MYO3B: variants seen among roughly 807,000 people sequenced by gnomAD.
The protein encoded by MYO3B is myosin IIIB.
Under a neutral mutation model 174.6 loss-of-function variants are expected in MYO3B, and 156 were observed. The ratio of observed to expected loss-of-function variants is 0.89; its 90% CI spans 0.78 to 1.02. MYO3B has a LOEUF of 1.02. Ranked by LOEUF, MYO3B falls within the 50% of genes least tolerant of loss-of-function variation. The pLI is 0.00. For missense variants in MYO3B, 1,632 were observed against 1,639.4 expected, an observed-to-expected ratio of 1.00 and a Z score of 0.08; for synonymous variants, 563 against 569.1, an observed-to-expected ratio of 0.99 and a Z score of 0.15.
chr2:170,396,758 C>G (rs1358926528), intron 16 of MYO3B, among the ~76,000 whole-genome samples: 1 of 152,104 alleles, frequency 6.6e-6, no homozygotes, highest in Non-Finnish European at 1.5e-5. Context: ...TGGTGATTAT[C>G]CCAGTGGTGA....
Position 170,573,686 on chromosome 2 carries a change from A to C in MYO3B, c.3733+29698A>C, listed in dbSNP as rs542530614. On this transcript the variant is annotated intron_variant, in intron 32 of 34. Transcript: ENST00000408978. Reference sequence around the variant, plus strand: ...GACTTTCTCAGCACAAACTGGAAGAATATTTCAAGGTAAGAAGTGAAAAGA... The same window carrying C: ...GACTTTCTCAGCACAAACTGGAAGACTATTTCAAGGTAAGAAGTGAAAAGA... Among the ~76,000 whole-genome samples, 4 of 152,340 alleles carry C rather than the reference A, an allele frequency of 2.6e-5. No individual in the cohort carries two copies. In the South Asian group the frequency reaches 8.3e-4, roughly 32 times the overall value.
At chr2:170,432,438 G>A (rs1384364258) in intron 22 of MYO3B, among the ~76,000 whole-genome samples, 2 of 151,818 alleles carry the variant, frequency 1.3e-5, no homozygotes, top group Non-Finnish European at 1.5e-5. Flanking sequence ...AAGATATAAA[G>A]AAAATATTTT....
At chr2:170,625,531 G>T (rs909491702) in intron 32 of MYO3B, among the ~76,000 whole-genome samples, 2 of 152,016 alleles carry the variant, frequency 1.3e-5, no homozygotes, top group Admixed American at 6.6e-5. Context: ...TTTTTCAAAG[G>T]GTTTTTTGTG....
At chr2:170,638,446 T>C (rs181148521) in intron 32 of MYO3B, among the ~76,000 whole-genome samples, 1 of 152,346 alleles carries the variant, frequency 6.6e-6, no homozygotes, top group East Asian at 1.9e-4. Flanking sequence ...ACTTTTTCCT[T>C]TGAAGCCTAA....
chr2:170,265,924 T>G (rs183903216), intron 7 of MYO3B, among the ~76,000 whole-genome samples: 2 of 152,274 alleles, frequency 1.3e-5, no homozygotes, highest in East Asian at 3.9e-4. Context: ...AAAAGAAGAT[T>G]AAGCCAAGGG....
chr2:170,351,570 G>A lies in MYO3B; in HGVS notation c.815+16120G>A, dbSNP rs75998648. Among the ~76,000 whole-genome samples the A allele has an allele frequency of 1.7e-3, 257 of 152,130 alleles. 1 individual carries two copies. The highest frequency in any genetic ancestry group is 6.0e-3 in the African/African-American group (251 of 41,500). ...CATTCTACAACCTGGCTCTGGGCTA[G>A]AGACCCAGAGAGCCAAGCAGACATA... On this transcript the variant is annotated intron_variant, in intron 8 of 34. Transcript: ENST00000408978.
At position 170,311,693 on chromosome 2, in the gene MYO3B, A is replaced by G. The variant is rs75288533; in HGVS notation, c.750-23692A>G. Among the ~76,000 whole-genome samples the G allele has an allele frequency of 2.7e-3, 416 of 152,096 alleles. 3 individuals are homozygous for G. The highest frequency in any genetic ancestry group is 9.7e-3 in the African/African-American group (404 of 41,468). On this transcript the variant is annotated intron_variant, in intron 7 of 34. Transcript: ENST00000408978. ...AGAATCCATTGCCAAGTCCAAGGTC[A>G]TGAAGATTTACCTCTATGCGTTCTT...
chr2:170,635,684 T>A (rs1283662570), intron 32 of MYO3B, among the ~76,000 whole-genome samples: 1 of 152,148 alleles, frequency 6.6e-6, no homozygotes, highest in African/African-American at 2.4e-5. Context: ...AAAGATCACA[T>A]TATAGGGCAT....
intron 8 of MYO3B, among the ~76,000 whole-genome samples, chr2:170,354,063 A>G (rs987307137): frequency 2.0e-5 from 3 of 152,214 alleles, no homozygotes; most frequent in African/African-American, 7.2e-5. Flanking sequence ...TTCGTGATCC[A>G]TCTAACCTGT....
rs190377692 is a variant in MYO3B, at chr2:170,298,368, G to A, written c.750-37017G>A. Among the ~76,000 whole-genome samples the A allele has an allele frequency of 1.1e-4, 16 of 152,148 alleles. No homozygotes were observed. The East Asian group carries it at 3.1e-3, about 29-fold the overall frequency. The stretch of plus-strand genomic sequence containing the variant: ...TCTCAGAACAATTCTTAAACTAAAG[G>A]ACTAGAACTTTAAAAGTTGAATTTC... On this transcript the variant is annotated intron_variant, in intron 7 of 34. Transcript: ENST00000408978.
At chr2:170,256,327 C>T (rs977800570) in intron 7 of MYO3B, among the ~76,000 whole-genome samples, 1 of 152,202 alleles carries the variant, frequency 6.6e-6, no homozygotes, top group Middle Eastern at 3.4e-3. Context: ...CCCTAAGATG[C>T]ATAGTAATCA....
chr2:170,276,013 A>G (rs2093461562), intron 7 of MYO3B, among the ~76,000 whole-genome samples: 1 of 152,224 alleles, frequency 6.6e-6, no homozygotes, highest in Non-Finnish European at 1.5e-5. Context: ...AGGACATTGG[A>G]AGAATACTTC....
chr2:170,395,422 C>T (rs1330259247), intron 16 of MYO3B, among the ~76,000 whole-genome samples: 2 of 152,128 alleles, frequency 1.3e-5, no homozygotes, highest in African/African-American at 2.4e-5. Flanking sequence ...CAAGATTGGA[C>T]GTACACTATA....
chr2:170,379,379 G>A (rs952628071), intron 9 of MYO3B, among the ~76,000 whole-genome samples: 8 of 152,072 alleles, frequency 5.3e-5, no homozygotes, highest in Non-Finnish European at 1.2e-4. Flanking sequence ...ATTTTTGGTA[G>A]AGACGGGATT....
intron 32 of MYO3B, among the ~76,000 whole-genome samples, chr2:170,649,288 ATTAT>A (rs1698772957): frequency 1.2e-5 from 1 of 81,522 alleles, no homozygotes; most frequent in Admixed American, 2.4e-4. Flanking sequence ...AATAATATAT[ATTAT>A]ATATAAAATA....
chr2:170,446,631 A>G (rs1309168102), intron 23 of MYO3B, among the ~76,000 whole-genome samples: 2 of 152,232 alleles, frequency 1.3e-5, no homozygotes, highest in Admixed American at 1.3e-4. Context: ...AAAATGAAAC[A>G]AAACCAACTC....
intron 28 of MYO3B, among the ~76,000 whole-genome samples, chr2:170,507,624 C>T (rs1687693345): frequency 6.6e-6 from 1 of 152,056 alleles, no homozygotes; most frequent in Admixed American, 6.6e-5. Flanking sequence ...AACTCCTGAC[C>T]TCAAGTGATC....
chr2:170,631,966 A>G (rs754574978), intron 32 of MYO3B, among the ~76,000 whole-genome samples: 1 of 152,000 alleles, frequency 6.6e-6, no homozygotes, highest in Non-Finnish European at 1.5e-5. Flanking sequence ...AAATATATAC[A>G]GGAGCACCCA....
intron 25 of MYO3B, among the ~76,000 whole-genome samples, chr2:170,476,100 G>A (rs1240377141): frequency 3.3e-5 from 5 of 152,180 alleles, no homozygotes; most frequent in African/African-American, 1.2e-4. Context: ...TGCGACAAGG[G>A]TGTGGCTCGT....
Sources: gnomAD v4.1 joint callset for allele counts (sites outside exome capture counted in the v4.1 genomes callset) on GRCh38, gnomAD v4.1.1 for gene constraint, MANE v1.5 for transcripts, NCBI Gene and HGNC (gene_info 2026-07-23, HGNC 2026-07-21) for gene names.